The following PKP2 variants were observed in gnomAD, a reference collection of about 807,000 sequenced individuals.
PKP2 encodes the protein plakophilin 2, also known as plakophilin-2.
Under a neutral mutation model 83.4 loss-of-function variants are expected in PKP2, and 73 were observed. The ratio of observed to expected loss-of-function variants is 0.88; its 90% CI spans 0.72 to 1.06. PKP2 has a LOEUF of 1.06. Among genes scored for constraint, PKP2 ranks in the 50% least tolerant of loss-of-function variants. The pLI is 0.00. For synonymous variants in PKP2, 409 were observed against 430.4 expected (o/e 0.95, Z 0.62); for missense variants, 966 against 1,065.4 (o/e 0.91, Z 1.30).
chr12:32,820,330 C>G (rs1448859696), intron 9 of PKP2: 1 of 152,114 alleles, frequency 6.6e-6, no homozygotes, highest in African/African-American at 2.4e-5. Context: ...TTATTCTAAT[C>G]GTTTCATGAC....
At chr12:32,865,455 C>G (rs1956839149) in intron 4 of PKP2, among the ~76,000 whole-genome samples, 1 of 150,192 alleles carries the variant, frequency 6.7e-6, no homozygotes, top group African/African-American at 2.5e-5. Flanking sequence ...CCAAGGTGGG[C>G]AGATCACTTG....
chr12:32,792,745 G>T lies in PKP2; in HGVS notation c.2358-14C>A, dbSNP rs1956082620. On this transcript the variant is annotated splice_polypyrimidine_tract_variant and intron_variant, in intron 11 of 12. Coordinates refer to ENST00000340811, the MANE Select transcript of PKP2 (RefSeq NM_001005242.3). ...TTGGAGGCATAGCTGAAAAGAAAAG[G>T]ACATTCTGAGATCAGGGAGAATGAG... 1 of 1,606,024 alleles carries T rather than the reference G, an allele frequency of 6.2e-7. No individual in the cohort carries two copies. Among genetic ancestry groups the T allele is most frequent in the South Asian group, 1.1e-5 (1 of 90,882 alleles).
chr12:32,799,185 G>A (rs1956157423), intron 10 of PKP2, among the ~76,000 whole-genome samples: 1 of 152,074 alleles, frequency 6.6e-6, no homozygotes, highest in African/African-American at 2.4e-5. Flanking sequence ...ATGAAAAAAT[G>A]CTCAACATCA....
intron 4 of PKP2, among the ~76,000 whole-genome samples, chr12:32,858,470 C>T (rs1267348297): frequency 6.6e-6 from 1 of 152,026 alleles, no homozygotes; most frequent in African/African-American, 2.4e-5. Flanking sequence ...ATTCATTCTT[C>T]CTACGGAACA....
intron 6 of PKP2, 66 bp downstream of exon 6, chr12:32,840,962 G>C: frequency 8.5e-7 from 1 of 1,176,124 alleles, no homozygotes; most frequent in Non-Finnish European, 1.3e-6. Context: ...AATATATCCT[G>C]ACTTCCTTGG....
At chr12:32,806,335 T>C (rs767419347) in intron 9 of PKP2, among the ~76,000 whole-genome samples, 65 of 152,190 alleles carry the variant, frequency 4.3e-4, no homozygotes, top group Non-Finnish European at 7.3e-5. Flanking sequence ...TGTAAATCTG[T>C]CTGGTCCTGG....
rs1396012405 is a variant in PKP2 at position 32,878,122 on chromosome 12, C to G, written c.758G>C (p.Gly253Ala). The G allele has an allele frequency of 3.1e-6, 5 of 1,614,252 alleles. No homozygotes were observed. Among genetic ancestry groups the G allele is most frequent in the Middle Eastern group, 3.3e-4 (2 of 6,060 alleles). Residue 253 changes from glycine to alanine, a missense_variant, in exon 3 of 13, where the codon GGC (glycine) becomes GCC (alanine). By Grantham distance (60) the Gly-to-Ala change is moderately conservative. Coordinates refer to ENST00000340811, the MANE Select transcript of PKP2 (RefSeq NM_001005242.3). ...GTAGTTCTCCTTCTCCAAGAGGTTG[C>G]CCATGCTGCGGCTGGTCCCTGGCCT... ...YPRPGTSRSM[G>A]NLLEKENYLT...
intron 9 of PKP2, among the ~76,000 whole-genome samples, chr12:32,804,075 C>A (rs1452633986): frequency 6.6e-6 from 1 of 152,114 alleles, no homozygotes; most frequent in East Asian, 1.9e-4. Flanking sequence ...GAATACCTGT[C>A]TCAGCTGTTA....
At chr12:32,809,810 T>TG (rs776761281) in intron 9 of PKP2, among the ~76,000 whole-genome samples, 21 of 152,122 alleles carry the variant, frequency 1.4e-4, no homozygotes, top group Non-Finnish European at 2.4e-4. Context: ...TTCCCTTTGC[T>TG]GGGGGTGGGG....
chr12:32,792,893 T>G, intron 11 of PKP2, 162 bp from the exon 12 acceptor site: 3 of 693,050 alleles, frequency 4.3e-6, no homozygotes, highest in Non-Finnish European at 7.9e-6. Context: ...CAGCAAGCTC[T>G]GCAAGGCGGG....
chr12:32,800,077 C>T (rs186698818), intron 10 of PKP2, among the ~76,000 whole-genome samples: 49 of 152,312 alleles, frequency 3.2e-4, no homozygotes, highest in African/African-American at 1.1e-3. Context: ...ACTTTAGACT[C>T]TTCTTAAAAG....
In PKP2 at chr12:32,821,512, C is replaced by T. The variant is rs760434776; in HGVS notation, c.1857G>A (p.Pro619=). The T allele has an allele frequency of 8.7e-6, 14 of 1,613,822 alleles. No individual in the cohort carries two copies. The highest frequency in any genetic ancestry group is 4.0e-5 in the African/African-American group (3 of 74,852). ...RKVKEQYQDV[P]MPEEKSNPKG... is the part of the protein sequence containing the mutation. ...TGGGGTTGCTCTTTTCCTCCGGCAT[C>T]GGCACGTCCTGGTATTGCTGACCAC... Residue 619 remains proline (P), a synonymous_variant, in exon 9 of 13, where the codon CCG becomes CCA. Transcript: ENST00000340811.
intron 10 of PKP2, among the ~76,000 whole-genome samples, chr12:32,800,482 A>C (rs1405085590): frequency 6.6e-6 from 1 of 152,220 alleles, no homozygotes; most frequent in Non-Finnish European, 1.5e-5. Context: ...AGCACACAGC[A>C]TACTGTGGAG....
chr12:32,817,511 G>A (rs188699508), intron 9 of PKP2, among the ~76,000 whole-genome samples: 16 of 152,130 alleles, frequency 1.1e-4, no homozygotes, highest in Admixed American at 6.5e-4. Flanking sequence ...GGATACCCAC[G>A]TTTGTTACTT....
chr12:32,856,326 G>C (rs1211573676), intron 4 of PKP2, among the ~76,000 whole-genome samples: 1 of 152,164 alleles, frequency 6.6e-6, no homozygotes, highest in Non-Finnish European at 1.5e-5. Flanking sequence ...GAGACTATTA[G>C]GAATGGATAA....
chr12:32,831,193 T>A (rs969627854), intron 6 of PKP2, among the ~76,000 whole-genome samples: 2 of 152,206 alleles, frequency 1.3e-5, no homozygotes, highest in Non-Finnish European at 2.9e-5. Context: ...ATAAGAAAGA[T>A]GTTTAAGACC....
chr12:32,883,361 C>A (rs1235832753), intron 1 of PKP2, among the ~76,000 whole-genome samples: 1 of 152,052 alleles, frequency 6.6e-6, no homozygotes, highest in East Asian at 1.9e-4. Flanking sequence ...TAGCTGTGTT[C>A]TAAGATTTTA....
intron 1 of PKP2, among the ~76,000 whole-genome samples, chr12:32,887,019 G>A (rs1362487735): frequency 1.3e-5 from 2 of 150,680 alleles, no homozygotes; most frequent in Non-Finnish European, 1.5e-5. Context: ...AAAAAAAAAA[G>A]GGAACACTAT....
rs753400788 is a variant in PKP2 at position 32,791,670 on chromosome 12, C to T, written c.*754G>A. 7.2e-5 allele frequency: 11 copies of T among 151,876 alleles called. No homozygotes were observed. The highest frequency in any genetic ancestry group is 5.8e-4 in the East Asian group (3 of 5,202). The allele number at this position is 151,876 out of a possible 1,614,324, so 9.4% of individuals were successfully genotyped here. On this transcript the variant is annotated 3_prime_UTR_variant, in exon 13 of 13. Transcript: ENST00000340811. The stretch of plus-strand genomic sequence containing the variant: ...CTCATTGACTCAGTGTTTGGGGGAA[C>T]GTTAAATTTTATCATCACAGTTGCC...
Sources: gnomAD v4.1 joint callset for allele counts (sites outside exome capture counted in the v4.1 genomes callset) on GRCh38, gnomAD v4.1.1 for gene constraint, MANE v1.5 for transcripts, NCBI Gene and HGNC (gene_info 2026-07-23, HGNC 2026-07-21) for gene names.